C20orf96: variants seen among roughly 807,000 people sequenced by gnomAD.
The protein encoded by C20orf96 is uncharacterized protein C20orf96.
C20orf96 carries 57 observed loss-of-function variants against 52.6 expected under a neutral mutation model. That is an observed-to-expected ratio of 1.08 (90% confidence interval 0.88 to 1.35). C20orf96 has a LOEUF of 1.35. C20orf96 is among the 40% of genes most tolerant of loss of function. The pLI, the probability that C20orf96 is intolerant of heterozygous loss-of-function variation, is 0.00. For missense variants in C20orf96, 478 were observed against 443.6 expected (o/e 1.08, Z -0.70); for synonymous variants, 168 against 157.2 (o/e 1.07, Z -0.51).
chr20:286,532 AAAAGG>A (rs1305702717), intron 3 of C20orf96, among the ~76,000 whole-genome samples: 2 of 151,440 alleles, frequency 1.3e-5, no homozygotes, highest in Non-Finnish European at 2.9e-5. Flanking sequence ...CTGTCTGAAA[AAAAGG>A]AAAGGAAAGG....
chr20:289,343 T>C (rs1186545018), intron 3 of C20orf96, among the ~76,000 whole-genome samples: 1 of 152,204 alleles, frequency 6.6e-6, no homozygotes, highest in Non-Finnish European at 1.5e-5. Context: ...CCTGGATCCC[T>C]GAATGACCAT....
At chr20:287,336 C>T (rs1289416211) in intron 3 of C20orf96, among the ~76,000 whole-genome samples, 1 of 152,198 alleles carries the variant, frequency 6.6e-6, no homozygotes, top group African/African-American at 2.4e-5. Context: ...GGTGTTATCA[C>T]TATTTTTTTA....
Position 270,959 on chromosome 20 carries a change from A to G in C20orf96, c.*248T>C, listed in dbSNP as rs2011805040. The G allele has an allele frequency of 4.0e-6, 2 of 501,380 alleles. No individual in the cohort carries two copies. The highest frequency in any genetic ancestry group is 7.1e-6 in the Non-Finnish European group (2 of 283,674). The allele number at this position is 501,380 out of a possible 1,614,324, so 31.1% of individuals were successfully genotyped here. On this transcript the variant is annotated 3_prime_UTR_variant, in exon 11 of 11. Coordinates refer to ENST00000360321, the MANE Select transcript of C20orf96 (RefSeq NM_153269.3). ...CAGCACCAACCAGAAAGAAGGGAAG[A>G]AGAGAGGAAAAAACCACAGGAAGAA...
rs950809531 is a variant in C20orf96, at chr20:276,231, G to T, written c.913-145C>A. Reference sequence around the variant, plus strand: ...GGGACTTGCTGGACTCCAGGGAGGGGACTTCCCCATGCAAGGTGCGGCTGG... The same window carrying T: ...GGGACTTGCTGGACTCCAGGGAGGGTACTTCCCCATGCAAGGTGCGGCTGG... On this transcript the variant is annotated intron_variant, in intron 9 of 10. Transcript: ENST00000360321. 6.0e-6 allele frequency: 9 copies of T among 1,501,060 alleles called. No individual in the cohort carries two copies. The African/African-American group carries it at 1.1e-4, about 19-fold the overall frequency. 93.0% of individuals were successfully genotyped at this position (1,501,060 alleles called of 1,614,324 possible).
chr20:277,146 C>T lies in C20orf96; in HGVS notation c.724-1G>A. ...TCTCACCGAGGTCATCCAGCTCATC[C>T]TGGGAGCCAGCAGAAGGGTGTTGGT... On this transcript the variant is annotated splice_acceptor_variant, in intron 7 of 10. Coordinates refer to ENST00000360321, the MANE Select transcript of C20orf96 (RefSeq NM_153269.3). LOFTEE classifies it high-confidence loss of function. 1.2e-6 allele frequency: 2 copies of T among 1,613,844 alleles called. No homozygotes were observed. The highest frequency in any genetic ancestry group is 8.5e-7 in the Non-Finnish European group (1 of 1,179,812).
chr20:271,443 TACAC>T (rs71191933), intron 10 of C20orf96, among the ~76,000 whole-genome samples, 176 bp from the exon 11 acceptor site: 3,751 of 134,574 alleles, frequency 0.028, 66 homozygotes, highest in African/African-American at 0.053. Context: ...TACACAAGCA[TACAC>T]ACACACACAC....
intron 10 of C20orf96, among the ~76,000 whole-genome samples, chr20:275,674 G>A (rs968612169): frequency 1.3e-5 from 2 of 152,204 alleles, no homozygotes; most frequent in Non-Finnish European, 2.9e-5. Context: ...AAACCCAGAA[G>A]TGGAAGGCTG....
chr20:289,447 G>A, intron 3 of C20orf96, 112 bp downstream of exon 3: 1 of 723,174 alleles, frequency 1.4e-6, no homozygotes, highest in Non-Finnish European at 2.5e-6. Context: ...TTTGGGCATT[G>A]TTTATTACAT....
chr20:279,074 GGGAGGGAC>G lies in C20orf96; in HGVS notation c.465+90_465+97del, dbSNP rs1343642575. ...AGGGCGGGACGGAGGGAGGGAGGGA[GGGAGGGAC>G]GGAGGGCGGGACGGAGGGACGGAGG... On this transcript the variant is annotated intron_variant, in intron 5 of 10. Coordinates refer to ENST00000360321, the MANE Select transcript of C20orf96 (RefSeq NM_153269.3). The G allele has an allele frequency of 3.8e-4, 206 of 546,018 alleles. 2 individuals are homozygous for G. Among genetic ancestry groups the G allele is most frequent in the Middle Eastern group, 6.5e-4 (1 of 1,548 alleles). The allele number at this position is 546,018 out of a possible 1,614,324, so 33.8% of individuals were successfully genotyped here.
chr20:288,381 G>A (rs1021737091), intron 3 of C20orf96, among the ~76,000 whole-genome samples: 18 of 152,052 alleles, frequency 1.2e-4, no homozygotes, highest in Non-Finnish European at 2.4e-4. Context: ...GCTTGGTGGT[G>A]CTGATTCCCC....
intron 3 of C20orf96, among the ~76,000 whole-genome samples, chr20:285,686 A>G (rs956678341): frequency 1.3e-5 from 2 of 152,128 alleles, no homozygotes; most frequent in Non-Finnish European, 2.9e-5. Flanking sequence ...GATTCAAGCA[A>G]TTCTCCTGCC....
At chr20:289,412 T>C in intron 3 of C20orf96, 147 bp downstream of exon 3, 1 of 637,146 alleles carries the variant, frequency 1.6e-6, no homozygotes, top group Non-Finnish European at 2.9e-6. Flanking sequence ...AAATGAGATA[T>C]AAACTTCTAT....
rs779847571 is a variant in C20orf96, at chr20:279,215, G to C, written c.422C>G (p.Thr141Ser). 2.5e-6 allele frequency: 4 copies of C among 1,609,514 alleles called. No homozygotes were observed. In the South Asian group the frequency reaches 4.4e-5, roughly 18 times the overall value. The part of the protein sequence containing the change: ...ETIQEMENST[T>S]LHVRALLQQQ... ...CTGCAGCAGGGCCCGCACGTGCAGG[G>C]TCGTGCTGTTCTCCATCTCCTGGAT... The change falls in exon 5 of 11, where the codon ACC becomes AGC. Residue 141 changes from threonine to serine, a missense_variant. Physicochemically the swap from Thr to Ser is moderately conservative, Grantham distance 58. Transcript: ENST00000360321.
chr20:290,565 T>TA, intron 1 of C20orf96, 26 bp downstream of exon 1: 1 of 887,004 alleles, frequency 1.1e-6, no homozygotes, highest in Non-Finnish European at 1.5e-6. Context: ...TTCTTCCAAT[T>TA]TTTTTTTTTT....
intron 7 of C20orf96, 30 bp from the exon 8 acceptor site, chr20:277,175 C>G (rs1260635286): frequency 1.2e-6 from 2 of 1,613,578 alleles, no homozygotes; most frequent in East Asian, 4.5e-5. Context: ...TGTTGGTCAC[C>G]AGTCCTGCCT....
At chr20:283,873 G>A (rs2012313679) in intron 4 of C20orf96, 90 bp downstream of exon 4, 1 of 884,646 alleles carries the variant, frequency 1.1e-6, no homozygotes, top group Non-Finnish European at 1.9e-6. Flanking sequence ...GTCAAGTCTG[G>A]CACCCACAAA....
At chr20:287,661 G>C (rs2012421096) in intron 3 of C20orf96, among the ~76,000 whole-genome samples, 1 of 152,022 alleles carries the variant, frequency 6.6e-6, no homozygotes, top group Non-Finnish European at 1.5e-5. Context: ...AGGTGCAGTG[G>C]CTCTCACCTA....
In C20orf96 at chr20:289,624, G is replaced by A; in HGVS notation, c.122C>T (p.Pro41Leu). The A allele has an allele frequency of 6.2e-7, 1 of 1,614,116 alleles. No homozygotes were observed. Among genetic ancestry groups the A allele is most frequent in the Non-Finnish European group, 8.5e-7 (1 of 1,180,004 alleles). ...SKQETKPSTLPPVQQANSLHT... is the reference protein window; with the variant it reads ...SKQETKPSTLLPVQQANSLHT... ...AAGGCTGTTGGCTTGTTGGACTGGAGGCAGAGTAGATGGCTTGGTTTCCTG... is the reference window on the plus strand; with the variant it reads ...AAGGCTGTTGGCTTGTTGGACTGGAAGCAGAGTAGATGGCTTGGTTTCCTG... The change falls in exon 3 of 11, where the codon CCT becomes CTT. Residue 41 changes from proline to leucine, a missense_variant. Pro to Leu is a moderately conservative substitution (Grantham distance 98). Transcript: ENST00000360321.
At chr20:277,182 G>A (rs1216007026) in intron 7 of C20orf96, 37 bp from the exon 8 acceptor site, 2 of 1,613,242 alleles carry the variant, frequency 1.2e-6, no homozygotes, top group South Asian at 2.2e-5. Flanking sequence ...CACCAGTCCT[G>A]CCTCCCACAC....
Sources: gnomAD v4.1 joint callset for allele counts (sites outside exome capture counted in the v4.1 genomes callset) on GRCh38, gnomAD v4.1.1 for gene constraint, MANE v1.5 for transcripts, NCBI Gene and HGNC (gene_info 2026-07-23, HGNC 2026-07-21) for gene names.